SFMBT2: variants seen among roughly 807,000 people sequenced by gnomAD.
The protein encoded by SFMBT2 is Scm like with four mbt domains 2, also known as scm-like with four MBT domains protein 2.
Under a neutral mutation model 110.1 loss-of-function variants are expected in SFMBT2, and 38 were observed. The ratio of observed to expected loss-of-function variants is 0.35; its 90% CI spans 0.27 to 0.45. SFMBT2 has a LOEUF of 0.45. Among genes scored for constraint, SFMBT2 ranks in the 20% least tolerant of loss-of-function variants. The pLI is 1.00. For missense variants in SFMBT2, 1,011 were observed against 1,094.9 expected, an observed-to-expected ratio of 0.92 and a Z score of 1.08; for synonymous variants, 425 against 425.4, an observed-to-expected ratio of 1.00 and a Z score of 0.01.
intron 4 of SFMBT2, among the ~76,000 whole-genome samples, chr10:7,298,641 G>A (rs1238033067): frequency 6.6e-6 from 1 of 152,184 alleles, no homozygotes; most frequent in Non-Finnish European, 1.5e-5. Flanking sequence ...GCATGCATGT[G>A]TATGTATATG....
At chr10:7,400,642 G>T (rs1473736081) in intron 1 of SFMBT2, among the ~76,000 whole-genome samples, 1 of 152,246 alleles carries the variant, frequency 6.6e-6, no homozygotes, top group African/African-American at 2.4e-5. Context: ...AAAGCTGTCA[G>T]CTTCAACAGC....
At chr10:7,226,937 C>G (rs559826075) in intron 10 of SFMBT2, among the ~76,000 whole-genome samples, 3 of 152,170 alleles carry the variant, frequency 2.0e-5, no homozygotes, top group Non-Finnish European at 4.4e-5. Context: ...ATTCACACAA[C>G]AATGAAGCGG....
intron 4 of SFMBT2, among the ~76,000 whole-genome samples, chr10:7,338,249 C>A (rs1396302695): frequency 6.6e-6 from 1 of 152,168 alleles, no homozygotes; most frequent in Non-Finnish European, 1.5e-5. Context: ...TGCCATACCT[C>A]AAAAAATAAG....
At chr10:7,308,042 C>A (rs1046532825) in intron 4 of SFMBT2, among the ~76,000 whole-genome samples, 1 of 152,128 alleles carries the variant, frequency 6.6e-6, no homozygotes, top group African/African-American at 2.4e-5. Flanking sequence ...TAGTAATAAT[C>A]CTAACATCCT....
intron 9 of SFMBT2, among the ~76,000 whole-genome samples, chr10:7,242,128 G>A (rs377436940): frequency 2.6e-4 from 39 of 152,240 alleles, no homozygotes; most frequent in African/African-American, 8.2e-4. Context: ...CCACAGCAGC[G>A]AAGGACTTCC....
At chr10:7,327,680 C>G (rs1171170466) in intron 4 of SFMBT2, among the ~76,000 whole-genome samples, 1 of 99,142 alleles carries the variant, frequency 1.0e-5, no homozygotes, top group Non-Finnish European at 2.1e-5. Context: ...GACTCTAACT[C>G]AAAAAAAAAA....
rs763697592 is a variant in SFMBT2, at chr10:7,172,478, C to A, written c.2151+17G>T. The A allele has an allele frequency of 6.2e-7, 1 of 1,612,694 alleles. No homozygotes were observed. ...TGACAGAGCTACAGGCTGGCAGGTG[C>A]CCCGGGCAGAACATACCTCCCCCGA... is the stretch of plus-strand genomic sequence containing the variant. On this transcript the variant is annotated intron_variant, in intron 18 of 20. Coordinates refer to ENST00000397167, the MANE Select transcript of SFMBT2 (RefSeq NM_001387889.1). This position sits in a 1 kb window ranked among gnomAD's most constrained non-coding sequence, Gnocchi z 4.6.
rs547517033 is a variant in SFMBT2 at position 7,305,713 on chromosome 10, C to T, written c.437-19759G>A. 2.6e-5 allele frequency among the ~76,000 whole-genome samples: 4 copies of T among 152,320 alleles called. No homozygotes were observed. In the South Asian group the frequency reaches 8.3e-4, roughly 32 times the overall value. On this transcript the variant is annotated intron_variant, in intron 4 of 20. Transcript: ENST00000397167. ...TTGACTTAGCAAAGGTCTACCCTTT[C>T]GGGAGACTCAAATTTTCTAGAAGAA...
At chr10:7,366,515 G>C (rs1459976485) in intron 4 of SFMBT2, among the ~76,000 whole-genome samples, 1 of 151,974 alleles carries the variant, frequency 6.6e-6, no homozygotes, top group East Asian at 1.9e-4. Context: ...GAATGAACCT[G>C]GGGATTTCAC....
At chr10:7,246,718 CAAAAAAAAAAAA>C (rs397949347) in intron 8 of SFMBT2, among the ~76,000 whole-genome samples, 31 of 72,158 alleles carry the variant, frequency 4.3e-4, no homozygotes, top group African/African-American at 1.8e-3. Flanking sequence ...GACTCCATCT[CAAAAAAAAAAAA>C]AAAAAAAAAA....
At chr10:7,244,306 C>T (rs147628623) in intron 8 of SFMBT2, 279 of 229,932 alleles carry the variant, frequency 1.2e-3, no homozygotes, top group Middle Eastern at 2.3e-3. Flanking sequence ...TATTTCAATG[C>T]TTCTGATCTG....
chr10:7,205,236 T>G (rs1839090208), intron 12 of SFMBT2: 2 of 232,588 alleles, frequency 8.6e-6, no homozygotes, highest in Admixed American at 1.3e-4. Context: ...GTCACTCTGC[T>G]TGACTAATTT....
chr10:7,354,770 T>C (rs1165416209), intron 4 of SFMBT2, among the ~76,000 whole-genome samples: 1 of 152,220 alleles, frequency 6.6e-6, no homozygotes, highest in East Asian at 1.9e-4. Flanking sequence ...TGCCCTGTCC[T>C]CCTTCACTGA....
intron 7 of SFMBT2, among the ~76,000 whole-genome samples, chr10:7,266,092 C>CTTTT (rs947560753): frequency 5.7e-4 from 84 of 146,836 alleles, no homozygotes; most frequent in African/African-American, 1.9e-3. Flanking sequence ...GTTTTCTTTC[C>CTTTT]TTTTTTTTTT....
At chr10:7,315,873 A>G (rs1013311823) in intron 4 of SFMBT2, among the ~76,000 whole-genome samples, 24 of 152,216 alleles carry the variant, frequency 1.6e-4, no homozygotes, top group Non-Finnish European at 3.4e-4. Context: ...TAAAACCTGT[A>G]CAACAGCACC....
intron 12 of SFMBT2, chr10:7,205,015 A>G: frequency 1.4e-6 from 1 of 702,244 alleles, no homozygotes; most frequent in Non-Finnish European, 1.8e-6. Context: ...ACGTGTGGTA[A>G]TATACTTTAT....
chr10:7,206,006 C>T lies in SFMBT2; in HGVS notation c.1331-78G>A. The T allele has an allele frequency of 1.9e-6, 3 of 1,556,644 alleles. No individual in the cohort carries two copies. In the South Asian group the frequency reaches 3.6e-5, roughly 19 times the overall value. On this transcript the variant is annotated intron_variant, in intron 11 of 20. Transcript: ENST00000397167. ...AAATAGAAGGACAACAATAATAGAGCATCCCTAACATGGGGAAAAACATTC... is the reference window on the plus strand; with the variant it reads ...AAATAGAAGGACAACAATAATAGAGTATCCCTAACATGGGGAAAAACATTC...
intron 9 of SFMBT2, among the ~76,000 whole-genome samples, chr10:7,235,199 C>T (rs887288443): frequency 1.3e-5 from 2 of 152,224 alleles, no homozygotes; most frequent in Middle Eastern, 3.4e-3. Context: ...GGGGATGCAG[C>T]AGTGAACAAA....
rs1359978252 is a variant in SFMBT2 at position 7,293,973 on chromosome 10, C to T, written c.437-8019G>A. Among the ~76,000 whole-genome samples, 1 of 152,176 alleles carries T rather than the reference C, an allele frequency of 6.6e-6. No homozygotes were observed. Among genetic ancestry groups the T allele is most frequent in the Non-Finnish European group, 1.5e-5 (1 of 68,030 alleles). On this transcript the variant is annotated intron_variant, in intron 4 of 20. Coordinates refer to ENST00000397167, the MANE Select transcript of SFMBT2 (RefSeq NM_001387889.1). This position sits in a 1 kb window ranked among gnomAD's most constrained non-coding sequence, Gnocchi z 4.6. The stretch of plus-strand genomic sequence containing the variant: ...ATGTATATCACAGACATCACTTCCT[C>T]GCTGGACATGGCCACATCTCATAGT...
Sources: allele counts gnomAD v4.1 joint callset (sites outside exome capture counted in the v4.1 genomes callset), GRCh38; gene constraint gnomAD v4.1.1; non-coding constraint Gnocchi (gnomAD v3.1); transcripts MANE v1.5; gene names NCBI Gene and HGNC (gene_info 2026-07-23, HGNC 2026-07-21).